PHF2: variants seen among roughly 807,000 people sequenced by gnomAD.
PHF2 encodes the protein lysine-specific demethylase PHF2.
A neutral mutation model predicts 120.5 loss-of-function variants in PHF2; 27 were observed. The ratio of observed to expected loss-of-function variants is 0.22; its 90% confidence interval spans 0.17 to 0.31. PHF2 has a LOEUF of 0.31. PHF2 is among the 10% of genes least tolerant of loss of function. The probability of loss-of-function intolerance (pLI) is 1.00; values close to 1 mark genes in which losing one functional copy is unlikely to be tolerated. For missense variants in PHF2, 1,024 were observed against 1,434.8 expected, an observed-to-expected ratio of 0.71 and a Z score of 4.63; for synonymous variants, 568 against 592.5, an observed-to-expected ratio of 0.96 and a Z score of 0.60.
intron 3 of PHF2, among the ~76,000 whole-genome samples, chr9:93,642,862 C>T (rs1262148417): frequency 6.6e-6 from 1 of 152,122 alleles, no homozygotes; most frequent in African/African-American, 2.4e-5. Flanking sequence ...CTGTTTAGTG[C>T]ATCCATTGAG....
At chr9:93,600,834 C>T (rs1175795567) in intron 1 of PHF2, among the ~76,000 whole-genome samples, 20 of 152,238 alleles carry the variant, frequency 1.3e-4, no homozygotes, top group African/African-American at 4.8e-4. Flanking sequence ...AGGCCTGATC[C>T]TGCTTAGCTT....
intron 5 of PHF2, among the ~76,000 whole-genome samples, chr9:93,650,005 TCACA>T (rs1287146234): frequency 1.3e-5 from 2 of 148,476 alleles, no homozygotes; most frequent in Non-Finnish European, 3.0e-5. Context: ...CGTGGTACAC[TCACA>T]CTCACGGACA....
rs574757163 is a variant in PHF2 at position 93,585,362 on chromosome 9, A to G, written c.98+8491A>G. ...CCCCAGGGGCTATCTTTTTGGCTAC[A>G]TGCTTCACTGCTGAGGATCCTTTTG... On this transcript the variant is annotated intron_variant, in intron 1 of 21. Coordinates refer to ENST00000359246, the MANE Select transcript of PHF2 (RefSeq NM_005392.4). Among the ~76,000 whole-genome samples, 11 of 152,324 alleles carry G rather than the reference A, an allele frequency of 7.2e-5. No homozygotes were observed. The South Asian group carries it at 1.9e-3, about 26-fold the overall frequency.
intron 10 of PHF2, among the ~76,000 whole-genome samples, chr9:93,658,933 C>T (rs1826510758): frequency 6.6e-6 from 1 of 152,200 alleles, no homozygotes; most frequent in Non-Finnish European, 1.5e-5. Flanking sequence ...CCTCGAGCAC[C>T]CTCTGGGACA....
intron 20 of PHF2, 115 bp from the exon 21 acceptor site, chr9:93,676,479 G>T (rs13288714): frequency 7.6e-7 from 1 of 1,318,284 alleles, no homozygotes; most frequent in Non-Finnish European, 1.0e-6. Context: ...TCAGGCCCCT[G>T]CTGCCCAGCC....
chr9:93,658,221 G>A lies in PHF2; in HGVS notation c.1224G>A (p.Ser408=), dbSNP rs376560764. 717 of 1,611,666 alleles carry A rather than the reference G, an allele frequency of 4.4e-4. 1 individual carries two copies. The highest frequency in any genetic ancestry group is 5.6e-4 in the Non-Finnish European group (657 of 1,179,232). The change falls in exon 10 of 22, where the codon TCG becomes TCA. Residue 408 remains serine (S), a synonymous_variant. Coordinates refer to ENST00000359246, the MANE Select transcript of PHF2 (RefSeq NM_005392.4). ...GAKILNGAFR[S]WTKKQALAEH... ...AAATTCTCAATGGTGCTTTCCGATC[G>A]TGGACGAAGAAGCAGGTAGGAATCA...
intron 1 of PHF2, among the ~76,000 whole-genome samples, chr9:93,578,849 T>C (rs1414873650): frequency 6.6e-6 from 1 of 152,138 alleles, no homozygotes; most frequent in Non-Finnish European, 1.5e-5. Context: ...TTATTTGAGG[T>C]CTCTGATTGA....
At chr9:93,639,874 G>A (rs1201909485) in intron 3 of PHF2, among the ~76,000 whole-genome samples, 2 of 152,210 alleles carry the variant, frequency 1.3e-5, no homozygotes, top group African/African-American at 2.4e-5. Flanking sequence ...GCAGCACTTG[G>A]GAGTGGAGTG....
Position 93,678,537 on chromosome 9 carries a change from G to A in PHF2, c.*861G>A, listed in dbSNP as rs945903204. On this transcript the variant is annotated 3_prime_UTR_variant, in exon 22 of 22. Transcript: ENST00000359246. ...GGCAGGGACAGTGGCCAGGCGGCCC[G>A]AGGACTTACGGTCGGCACTTCTCTG... 4 of 152,532 alleles carry A rather than the reference G, an allele frequency of 2.6e-5. No individual in the cohort carries two copies. The highest frequency in any genetic ancestry group is 9.7e-5 in the African/African-American group (4 of 41,446). 9.4% of individuals were successfully genotyped at this position (152,532 alleles called of 1,614,324 possible).
chr9:93,620,145 C>T (rs1198602472), intron 1 of PHF2, among the ~76,000 whole-genome samples: 1 of 152,220 alleles, frequency 6.6e-6, no homozygotes, highest in Non-Finnish European at 1.5e-5. Context: ...CTGCAGGGCC[C>T]AGCCTGGGAG....
chr9:93,633,143 A>G (rs990265808), intron 2 of PHF2, among the ~76,000 whole-genome samples: 25 of 152,190 alleles, frequency 1.6e-4, no homozygotes, highest in African/African-American at 6.0e-4. Flanking sequence ...CAGGGTTCCC[A>G]GAGCGAGCTG....
intron 1 of PHF2, among the ~76,000 whole-genome samples, chr9:93,592,089 C>G (rs2131606039): frequency 6.6e-6 from 1 of 152,330 alleles, no homozygotes; most frequent in East Asian, 1.9e-4. Flanking sequence ...ACCTTGGTCC[C>G]CATTCTTGGA....
rs760648436 is a variant in PHF2, at chr9:93,645,649, G to A, written c.320G>A (p.Arg107His). 5.6e-6 allele frequency: 9 copies of A among 1,604,306 alleles called. No individual in the cohort carries two copies. The highest frequency in any genetic ancestry group is 3.4e-5 in the Admixed American group (2 of 59,174). Residue 107 changes from arginine (R) to histidine (H), a missense_variant, in exon 4 of 22, where the codon CGT (arginine) becomes CAT (histidine). By Grantham distance (29) the Arg-to-His change is conservative. This residue lies in a region of PHF2 where 347 missense variants were observed against 577.4 expected (regional missense o/e 0.60). Coordinates refer to ENST00000359246, the MANE Select transcript of PHF2 (RefSeq NM_005392.4). ...TFPSAEDVVA[R>H]VPGSQLTLGY... ...TGCAGTGCTGAAGACGTGGTGGCCC[G>A]TGTGCCAGGAAGTCAGCTCACGCTG... is the stretch of plus-strand genomic sequence containing the variant.
intron 1 of PHF2, among the ~76,000 whole-genome samples, chr9:93,611,516 C>T (rs1478898789): frequency 6.6e-6 from 1 of 151,822 alleles, no homozygotes; most frequent in Admixed American, 6.6e-5. Context: ...TAAAAATATT[C>T]CTTTTATTTT....
chr9:93,591,465 C>T (rs10122092), intron 1 of PHF2, among the ~76,000 whole-genome samples: 64,546 of 151,978 alleles, frequency 0.42, 14,471 homozygotes, highest in South Asian at 0.63. Context: ...GTGAGTAGGA[C>T]GTGTGGACTG....
chr9:93,653,451 T>G, intron 6 of PHF2, 86 bp downstream of exon 6: 1 of 1,414,184 alleles, frequency 7.1e-7, no homozygotes. Context: ...AAGCCCTGAT[T>G]GGCCAGGATG....
intron 1 of PHF2, among the ~76,000 whole-genome samples, chr9:93,610,043 G>A (rs4568663): frequency 0.36 from 54,070 of 150,796 alleles, 9,972 homozygotes; most frequent in Non-Finnish European, 0.4. Context: ...TTTTTTTTGC[G>A]GTTTGAATGT....
At chr9:93,586,266 A>T (rs1054215573) in intron 1 of PHF2, among the ~76,000 whole-genome samples, 6 of 152,212 alleles carry the variant, frequency 3.9e-5, no homozygotes, top group African/African-American at 1.4e-4. Flanking sequence ...AAACATGAGG[A>T]TTAGTTGCCC....
Position 93,677,540 on chromosome 9 carries a change from C to A in PHF2, c.3203-48C>A. 6.9e-7 allele frequency: 1 copy of A among 1,456,456 alleles called. No individual in the cohort carries two copies. Among genetic ancestry groups the A allele is most frequent in the Non-Finnish European group, 9.6e-7 (1 of 1,039,652 alleles). 90.2% of individuals were successfully genotyped at this position (1,456,456 alleles called of 1,614,324 possible). A position where few individuals can be genotyped will look rare whatever the true frequency, so the allele number is the denominator to read the frequency against. On this transcript the variant is annotated intron_variant, in intron 21 of 21. Coordinates refer to ENST00000359246, the MANE Select transcript of PHF2 (RefSeq NM_005392.4). The surrounding 1 kb of genome is among the most constrained non-coding windows in gnomAD (Gnocchi z 4.4). ...CCCCACCGGCATGCCACGCCCCTTG[C>A]CATCTAGCTTACCTTCCCTTTTTGT...
Sources: gnomAD v4.1 joint callset for allele counts (sites outside exome capture counted in the v4.1 genomes callset) on GRCh38, gnomAD v4.1.1 for gene constraint, gnomAD v4.1.1 regional missense constraint, Gnocchi (gnomAD v3.1) non-coding constraint, MANE v1.5 for transcripts, NCBI Gene and HGNC (gene_info 2026-07-23, HGNC 2026-07-21) for gene names.